Variants in KHDRBS3 observed in about 807,000 individuals in gnomAD.
KHDRBS3 encodes KH domain-containing, RNA-binding, signal transduction-associated protein 3.
In KHDRBS3, 23 loss-of-function variants were observed where a neutral mutation model predicts 45.6. That is an observed-to-expected ratio of 0.50 (90% CI 0.36 to 0.72). The LOEUF (loss-of-function observed/expected upper bound fraction) is 0.72. KHDRBS3 is among the 30% of genes least tolerant of loss of function. The pLI, the probability that KHDRBS3 is intolerant of heterozygous loss-of-function variation, is 0.00. For synonymous variants in KHDRBS3, 162 were observed against 156.5 expected (o/e 1.04, Z -0.26); for missense variants, 352 against 424.8 (o/e 0.83, Z 1.51).
intron 7 of KHDRBS3, among the ~76,000 whole-genome samples, chr8:135,639,470 G>A (rs879261250): frequency 2.0e-5 from 3 of 152,194 alleles, no homozygotes; most frequent in Non-Finnish European, 4.4e-5. Context: ...GAGATTGAAA[G>A]CTGGGTGTTT....
chr8:135,601,654 T>C (rs1027648153), intron 6 of KHDRBS3, among the ~76,000 whole-genome samples: 2 of 152,188 alleles, frequency 1.3e-5, no homozygotes, highest in African/African-American at 4.8e-5. Flanking sequence ...AAAGTAAACC[T>C]TTCAGCATAT....
At chr8:135,555,562 A>G (rs998279429) in intron 4 of KHDRBS3, among the ~76,000 whole-genome samples, 5 of 152,036 alleles carry the variant, frequency 3.3e-5, no homozygotes, top group East Asian at 1.9e-4. Flanking sequence ...TCTGTGTATA[A>G]CATGAAGTAT....
rs942217215 is a variant in KHDRBS3 at position 135,537,334 on chromosome 8, TG to T, written c.208-5318del. Among the ~76,000 whole-genome samples the T allele has an allele frequency of 7.2e-5, 11 of 152,322 alleles. No homozygotes were observed. In the East Asian group the frequency reaches 2.1e-3, roughly 29 times the overall value. ...CACTCAGTTATGGGAAACCTTTTAA[TG>T]GAGACCGTGACAGGTTCTTGAGATT... is the stretch of plus-strand genomic sequence containing the variant. On this transcript the variant is annotated intron_variant, in intron 2 of 8. Coordinates refer to ENST00000355849, the MANE Select transcript of KHDRBS3 (RefSeq NM_006558.3).
intron 5 of KHDRBS3, among the ~76,000 whole-genome samples, chr8:135,573,962 C>G (rs1827829532): frequency 6.6e-6 from 1 of 152,060 alleles, no homozygotes; most frequent in Non-Finnish European, 1.5e-5. Context: ...TTTGTGGTAC[C>G]CTATTCCTAT....
chr8:135,554,694 C>A (rs1255979883), intron 4 of KHDRBS3, among the ~76,000 whole-genome samples: 2 of 152,070 alleles, frequency 1.3e-5, no homozygotes, highest in Non-Finnish European at 2.9e-5. Context: ...CAAGTGTTAG[C>A]TGATTATGAT....
chr8:135,540,649 G>A (rs1825999775), intron 2 of KHDRBS3: 1 of 152,242 alleles, frequency 6.6e-6, no homozygotes, highest in Admixed American at 6.5e-5. Flanking sequence ...GGGATTCCCA[G>A]TATTCTGGCA....
intron 5 of KHDRBS3, among the ~76,000 whole-genome samples, chr8:135,580,623 T>TA (rs1554633541): frequency 8.4e-4 from 124 of 147,484 alleles, no homozygotes; most frequent in African/African-American, 2.8e-3. Flanking sequence ...TTTTTTTTTT[T>TA]AATTTTTCTG....
At chr8:135,579,902 C>G (rs1828121699) in intron 5 of KHDRBS3, among the ~76,000 whole-genome samples, 1 of 152,134 alleles carries the variant, frequency 6.6e-6, no homozygotes, top group African/African-American at 2.4e-5. Flanking sequence ...TACCTGTGTT[C>G]ATGAGAGATG....
At chr8:135,500,622 C>A (rs1365428114) in intron 1 of KHDRBS3, among the ~76,000 whole-genome samples, 2 of 152,132 alleles carry the variant, frequency 1.3e-5, no homozygotes, top group African/African-American at 4.8e-5. Context: ...AAATAAAGCT[C>A]AGAAAACTTG....
chr8:135,611,929 C>T (rs918066367), intron 7 of KHDRBS3, among the ~76,000 whole-genome samples: 2 of 151,778 alleles, frequency 1.3e-5, no homozygotes, highest in African/African-American at 4.9e-5. Flanking sequence ...TCCCCAGTAT[C>T]GAATAGTAGA....
At chr8:135,495,982 GC>G (rs1329670947) in intron 1 of KHDRBS3, among the ~76,000 whole-genome samples, 1 of 151,846 alleles carries the variant, frequency 6.6e-6, no homozygotes, top group Non-Finnish European at 1.5e-5. Flanking sequence ...CTTTTGAAAT[GC>G]AAATATGTGC....
chr8:135,561,908 G>A (rs1160354348), intron 5 of KHDRBS3, among the ~76,000 whole-genome samples: 2 of 151,916 alleles, frequency 1.3e-5, no homozygotes, highest in Non-Finnish European at 2.9e-5. Flanking sequence ...AAGATATAAA[G>A]AAAATATTTT....
Position 135,582,018 on chromosome 8 carries a change from C to A in KHDRBS3, c.752C>A (p.Pro251Gln), listed in dbSNP as rs893346154. The change falls in exon 6 of 9, where the codon CCA becomes CAA. Residue 251 changes from proline to glutamine, a missense_variant. By Grantham distance (76) the Pro-to-Gln change is moderately conservative. Transcript: ENST00000355849. ...ACTCCCAGAGCAAGAGGAGTCCCCC[C>A]AACTGGGTACAGACCTCCACCGCCA... ...LLTPRARGVP[P>Q]TGYRPPPPPP... 3 of 1,611,694 alleles carry A rather than the reference C, an allele frequency of 1.9e-6. No individual in the cohort carries two copies. The highest frequency in any genetic ancestry group is 2.5e-6 in the Non-Finnish European group (3 of 1,178,774).
chr8:135,512,485 G>A (rs1450253042), intron 1 of KHDRBS3, among the ~76,000 whole-genome samples: 1 of 147,062 alleles, frequency 6.8e-6, no homozygotes, highest in African/African-American at 2.5e-5. Context: ...GTAGGTCATT[G>A]TGCAGGCTGA....
chr8:135,535,202 T>C (rs545027246), intron 2 of KHDRBS3, among the ~76,000 whole-genome samples: 27 of 149,756 alleles, frequency 1.8e-4, no homozygotes, highest in African/African-American at 6.3e-4. Context: ...CCTGTTAATA[T>C]ACCTGTTTAT....
intron 1 of KHDRBS3, among the ~76,000 whole-genome samples, chr8:135,462,445 C>G (rs1275241811): frequency 2.0e-5 from 3 of 152,200 alleles, no homozygotes; most frequent in East Asian, 3.9e-4. Flanking sequence ...ACAGTCTGCA[C>G]TGGTGAGAAG....
At chr8:135,603,748 A>G (rs1169190807) in intron 6 of KHDRBS3, among the ~76,000 whole-genome samples, 1 of 152,168 alleles carries the variant, frequency 6.6e-6, no homozygotes, top group East Asian at 1.9e-4. Flanking sequence ...TATTTATTTT[A>G]CAAAGTTGAA....
chr8:135,538,837 A>G (rs1825906306), intron 2 of KHDRBS3: 1 of 152,214 alleles, frequency 6.6e-6, no homozygotes, highest in African/African-American at 2.4e-5. Flanking sequence ...CAGAAAGTCC[A>G]AAATACATAC....
chr8:135,576,653 C>G (rs562809594), intron 5 of KHDRBS3, among the ~76,000 whole-genome samples: 1 of 152,078 alleles, frequency 6.6e-6, no homozygotes, highest in Non-Finnish European at 1.5e-5. Context: ...ATATTTCTAC[C>G]TCCAGTCCTA....
Sources: allele counts gnomAD v4.1 joint callset (sites outside exome capture counted in the v4.1 genomes callset), GRCh38; gene constraint gnomAD v4.1.1; transcripts MANE v1.5; gene names NCBI Gene and HGNC (gene_info 2026-07-23, HGNC 2026-07-21).